Variants in SPMIP4 observed in about 807,000 individuals in gnomAD.
SPMIP4 encodes sperm microtubule inner protein 4.
At chr7:25,163,505 C>A in the SPMIP4 span, among the ~76,000 whole-genome samples, 545 of 152,264 alleles carry the variant, frequency 3.6e-3, 3 homozygotes, top group African/African-American at 0.012. This position sits in a 1 kb window ranked among gnomAD's most constrained non-coding sequence, Gnocchi z 4.4. Context: ...AAACGACCAG[C>A]TGTGTGTGTG....
chr7:25,154,997 A>G, the SPMIP4 span: 12 of 1,601,602 alleles, frequency 7.5e-6, no homozygotes, highest in Non-Finnish European at 1.0e-5. Flanking sequence ...TTCTGATTCC[A>G]GGTCACATTT....
the SPMIP4 span, among the ~76,000 whole-genome samples, chr7:25,163,301 GTTTT>G: frequency 6.6e-6 from 1 of 151,818 alleles, no homozygotes; most frequent in Non-Finnish European, 1.5e-5. The surrounding 1 kb of genome is among the most constrained non-coding windows in gnomAD (Gnocchi z 4.4). Context: ...GGCAATTTTG[GTTTT>G]TTTTCTCTCT....
the SPMIP4 span, among the ~76,000 whole-genome samples, chr7:25,169,492 A>T: frequency 6.6e-6 from 1 of 152,078 alleles, no homozygotes. Flanking sequence ...GCCTTTTGTG[A>T]TGGGCTTCTT....
the SPMIP4 span, among the ~76,000 whole-genome samples, chr7:25,173,616 C>A: frequency 6.6e-6 from 1 of 152,176 alleles, no homozygotes; most frequent in Non-Finnish European, 1.5e-5. The surrounding 1 kb of genome is among the most constrained non-coding windows in gnomAD (Gnocchi z 4.4). Context: ...CAGACCTCTA[C>A]GTCCTCCCTA....
the SPMIP4 span, chr7:25,158,476 A>T: frequency 6.3e-7 from 1 of 1,584,036 alleles, no homozygotes; most frequent in Non-Finnish European, 8.7e-7. Context: ...ATAACAGAGA[A>T]GGAAAATATA....
chr7:25,147,374 G>A, the SPMIP4 span, among the ~76,000 whole-genome samples: 1 of 152,166 alleles, frequency 6.6e-6, no homozygotes, highest in Non-Finnish European at 1.5e-5. Flanking sequence ...AGATGGAAAC[G>A]GTCAGTGAGA....
the SPMIP4 span, among the ~76,000 whole-genome samples, chr7:25,144,960 GT>G: frequency 8.2e-5 from 12 of 145,684 alleles, no homozygotes; most frequent in Admixed American, 1.4e-4. Context: ...AAGAAGGACT[GT>G]TTTTTTTTTT....
chr7:25,148,189 G>A, the SPMIP4 span, among the ~76,000 whole-genome samples: 1 of 152,206 alleles, frequency 6.6e-6, no homozygotes, highest in Admixed American at 6.5e-5. Flanking sequence ...TGTAATTGGT[G>A]TGGGGTGCAA....
At chr7:25,162,269 TCAAAA>T in the SPMIP4 span, among the ~76,000 whole-genome samples, 2 of 104,096 alleles carry the variant, frequency 1.9e-5, no homozygotes, top group East Asian at 3.5e-4. Context: ...AAACTCTGTC[TCAAAA>T]AAAAAAAAAA....
At chr7:25,173,945 T>TC in the SPMIP4 span, among the ~76,000 whole-genome samples, 1 of 152,030 alleles carries the variant, frequency 6.6e-6, no homozygotes, top group Non-Finnish European at 1.5e-5. This position sits in a 1 kb window ranked among gnomAD's most constrained non-coding sequence, Gnocchi z 4.4. Flanking sequence ...CATGTCTCCC[T>TC]CCCCTTAGCC....
At chr7:25,135,783 G>T in the SPMIP4 span, 1 of 1,285,078 alleles carries the variant, frequency 7.8e-7, no homozygotes, top group Non-Finnish European at 9.8e-7. Flanking sequence ...AACTTTTCAA[G>T]AAGTCATAAC....
the SPMIP4 span, chr7:25,134,726 A>G: frequency 7.1e-6 from 7 of 985,418 alleles, no homozygotes; most frequent in Non-Finnish European, 7.2e-6. Flanking sequence ...TCCAAAGTTT[A>G]TTATTTGGAA....
chr7:25,164,720 A>G, the SPMIP4 span, among the ~76,000 whole-genome samples: 9 of 152,140 alleles, frequency 5.9e-5, no homozygotes, highest in Non-Finnish European at 1.3e-4. Context: ...TTTTGGTGTA[A>G]CCATCACCCA....
the SPMIP4 span, among the ~76,000 whole-genome samples, chr7:25,170,675 G>A: frequency 6.6e-6 from 1 of 152,170 alleles, no homozygotes; most frequent in Non-Finnish European, 1.5e-5. Flanking sequence ...CTTACGCTTA[G>A]GTCTTTGATT....
chr7:25,179,473 T>C, the SPMIP4 span: 4 of 568,754 alleles, frequency 7.0e-6, no homozygotes, highest in South Asian at 7.0e-5. Context: ...AAATCAGTAA[T>C]AAATAGAGAC....
chr7:25,129,536 C>T, the SPMIP4 span, among the ~76,000 whole-genome samples: 39 of 152,334 alleles, frequency 2.6e-4, 1 homozygote, highest in South Asian at 5.8e-3. Flanking sequence ...CAATCCAAGA[C>T]TGCCTTTTTT....
the SPMIP4 span, among the ~76,000 whole-genome samples, chr7:25,137,198 G>T: frequency 2.0e-5 from 3 of 149,626 alleles, no homozygotes; most frequent in African/African-American, 7.4e-5. Context: ...AACCTTGGCT[G>T]AGTCAGAATC....
chr7:25,165,429 A>G, the SPMIP4 span, among the ~76,000 whole-genome samples: 3 of 152,160 alleles, frequency 2.0e-5, no homozygotes, highest in African/African-American at 7.2e-5. Flanking sequence ...GGAGGTGAGT[A>G]TATTTTCATT....
the SPMIP4 span, among the ~76,000 whole-genome samples, chr7:25,140,365 A>G: frequency 7.2e-5 from 11 of 152,150 alleles, no homozygotes; most frequent in African/African-American, 2.4e-4. Context: ...GCAGTGGCAC[A>G]ACCTTTGCTC....
Sources: allele counts gnomAD v4.1 joint callset (sites outside exome capture counted in the v4.1 genomes callset), GRCh38; gene constraint gnomAD v4.1.1; non-coding constraint Gnocchi (gnomAD v3.1); transcripts MANE v1.5; gene names NCBI Gene and HGNC (gene_info 2026-07-23, HGNC 2026-07-21).